Variants in SH3GL2 observed in about 807,000 individuals in gnomAD.
SH3GL2 encodes the protein endophilin-A1.
SH3GL2 carries 24 observed loss-of-function variants against 46.0 expected under a neutral mutation model. The ratio of observed to expected loss-of-function variants is 0.52; its 90% CI spans 0.38 to 0.73. The LOEUF (loss-of-function observed/expected upper bound fraction) is 0.73, where lower values mean the gene tolerates loss of function less well. SH3GL2 is among the 30% of genes least tolerant of loss of function. The pLI, the probability that SH3GL2 is intolerant of heterozygous loss-of-function variation, is 0.00. For missense variants in SH3GL2, 413 were observed against 424.2 expected, an observed-to-expected ratio of 0.97 and a Z score of 0.23; for synonymous variants, 196 against 147.1, an observed-to-expected ratio of 1.33 and a Z score of -2.40.
intron 1 of SH3GL2, chr9:17,653,930 C>CA: frequency 1.3e-6 from 1 of 798,866 alleles, no homozygotes; most frequent in South Asian, 5.7e-5. Context: ...ACATCTGTAA[C>CA]AAAAGAAATG....
chr9:17,609,715 A>G (rs905028235), intron 1 of SH3GL2, among the ~76,000 whole-genome samples: 1 of 152,240 alleles, frequency 6.6e-6, no homozygotes, highest in South Asian at 2.1e-4. Context: ...ATGTGGGAAA[A>G]CATTTGTTCT....
At chr9:17,714,576 T>C (rs1345565317) in intron 1 of SH3GL2, among the ~76,000 whole-genome samples, 1 of 151,784 alleles carries the variant, frequency 6.6e-6, no homozygotes, top group Non-Finnish European at 1.5e-5. Context: ...ATAACATTGA[T>C]CTTTAACATC....
intron 1 of SH3GL2, among the ~76,000 whole-genome samples, chr9:17,708,504 A>G (rs1821533970): frequency 6.6e-6 from 1 of 152,036 alleles, no homozygotes. Context: ...GGATGAAACC[A>G]TTAGAGCTTG....
intron 1 of SH3GL2, among the ~76,000 whole-genome samples, chr9:17,683,919 A>G (rs1461476483): frequency 1.3e-5 from 2 of 152,114 alleles, no homozygotes; most frequent in South Asian, 2.1e-4. Flanking sequence ...ACTCCTGACT[A>G]AATTGAATCA....
At chr9:17,669,508 A>G (rs1285235844) in intron 1 of SH3GL2, among the ~76,000 whole-genome samples, 1 of 152,194 alleles carries the variant, frequency 6.6e-6, no homozygotes, top group African/African-American at 2.4e-5. Flanking sequence ...GGCATTAGAA[A>G]AGCAGAATTA....
chr9:17,624,437 C>T (rs989251969), intron 1 of SH3GL2, among the ~76,000 whole-genome samples: 4 of 152,126 alleles, frequency 2.6e-5, no homozygotes, highest in Admixed American at 2.0e-4. Context: ...GTGATAGGTG[C>T]GCAAACATGA....
At chr9:17,635,301 T>C (rs1335864317) in intron 1 of SH3GL2, among the ~76,000 whole-genome samples, 1 of 152,240 alleles carries the variant, frequency 6.6e-6, no homozygotes, top group Non-Finnish European at 1.5e-5. Context: ...TCCATGTCCC[T>C]GCAAAGGACA....
intron 1 of SH3GL2, among the ~76,000 whole-genome samples, chr9:17,713,600 C>T (rs917714408): frequency 3.3e-5 from 5 of 151,456 alleles, no homozygotes; most frequent in African/African-American, 1.2e-4. Context: ...TCATTCAGCT[C>T]AAAATGCATT....
chr9:17,786,787 T>G (rs1382535189), intron 4 of SH3GL2, among the ~76,000 whole-genome samples: 1 of 151,986 alleles, frequency 6.6e-6, no homozygotes, highest in Admixed American at 6.6e-5. Flanking sequence ...AGATGCCTCC[T>G]TGGCACTTTC....
intron 1 of SH3GL2, among the ~76,000 whole-genome samples, chr9:17,667,574 TATA>T (rs1341181083): frequency 6.6e-6 from 1 of 152,252 alleles, no homozygotes; most frequent in Admixed American, 6.5e-5. Context: ...GTTGGACATT[TATA>T]ATGTTTCCAC....
At chr9:17,712,628 G>A (rs915815803) in intron 1 of SH3GL2, among the ~76,000 whole-genome samples, 2 of 151,760 alleles carry the variant, frequency 1.3e-5, no homozygotes, top group Non-Finnish European at 2.9e-5. Context: ...ACATATCTAA[G>A]TTTGTTTCTA....
intron 3 of SH3GL2, among the ~76,000 whole-genome samples, chr9:17,781,955 G>C (rs974034639): frequency 6.6e-6 from 1 of 152,104 alleles, no homozygotes; most frequent in African/African-American, 2.4e-5. Context: ...TGAGCACTCT[G>C]ACTCTCCACC....
intron 3 of SH3GL2, among the ~76,000 whole-genome samples, chr9:17,778,374 G>A (rs533440525): frequency 3.0e-4 from 45 of 152,246 alleles, no homozygotes; most frequent in African/African-American, 1.1e-3. Flanking sequence ...AATACCTAAT[G>A]TCAGATGTGA....
At position 17,643,319 on chromosome 9, in the gene SH3GL2, T is replaced by A. The variant is rs190678329; in HGVS notation, c.45+64032T>A. Among the ~76,000 whole-genome samples the A allele has an allele frequency of 3.2e-3, 492 of 152,320 alleles. 2 individuals are homozygous for A. Among genetic ancestry groups the A allele is most frequent in the African/African-American group, 0.011 (471 of 41,562 alleles). On this transcript the variant is annotated intron_variant, in intron 1 of 8. Coordinates refer to ENST00000380607, the MANE Select transcript of SH3GL2 (RefSeq NM_003026.5). ...ACGATGGGGTTTTCTAAATATACAA[T>A]CATGTCATCTGCAGACAATAGTTTG...
At position 17,678,837 on chromosome 9, in the gene SH3GL2, G is replaced by T. The variant is rs1588230903; in HGVS notation, c.46-68229G>T. Among the ~76,000 whole-genome samples, 2 of 152,168 alleles carry T rather than the reference G, an allele frequency of 1.3e-5. 1 individual carries two copies. The highest frequency in any genetic ancestry group is 6.8e-3 in the Middle Eastern group (2 of 294). ...GGTGTAAGGAAGGGATCTAGTTTCG[G>T]CTTTCTCCATATGGCTAGCCAGTTT... On this transcript the variant is annotated intron_variant, in intron 1 of 8. Transcript: ENST00000380607.
At chr9:17,670,709 G>T (rs1368804851) in intron 1 of SH3GL2, among the ~76,000 whole-genome samples, 1 of 152,108 alleles carries the variant, frequency 6.6e-6, no homozygotes, top group East Asian at 1.9e-4. Flanking sequence ...GCATTTGCTT[G>T]CACCTTTTCT....
In SH3GL2 at chr9:17,743,756, G is replaced by A. The variant is rs1822600928; in HGVS notation, c.46-3310G>A. The stretch of plus-strand genomic sequence containing the variant: ...TGCTGTGGATGGATGCAAGAAGAGG[G>A]GAAATTAAAATCACTCTATATTTAA... On this transcript the variant is annotated intron_variant, in intron 1 of 8. Coordinates refer to ENST00000380607, the MANE Select transcript of SH3GL2 (RefSeq NM_003026.5). 2.0e-5 allele frequency among the ~76,000 whole-genome samples: 3 copies of A among 152,138 alleles called. No individual in the cohort carries two copies. In the South Asian group the frequency reaches 6.2e-4, roughly 32 times the overall value.
chr9:17,593,842 G>A (rs553707537), intron 1 of SH3GL2, among the ~76,000 whole-genome samples: 1 of 152,280 alleles, frequency 6.6e-6, no homozygotes, highest in Non-Finnish European at 1.5e-5. Flanking sequence ...CACAAGATCA[G>A]TAGGAGCCCA....
chr9:17,777,447 T>C (rs1316127488), intron 3 of SH3GL2, among the ~76,000 whole-genome samples: 1 of 152,220 alleles, frequency 6.6e-6, no homozygotes, highest in Non-Finnish European at 1.5e-5. Flanking sequence ...GGTTGAGTGA[T>C]ATCCCTCCCA....
Sources: gnomAD v4.1 joint callset for allele counts (sites outside exome capture counted in the v4.1 genomes callset) on GRCh38, gnomAD v4.1.1 for gene constraint, MANE v1.5 for transcripts, NCBI Gene and HGNC (gene_info 2026-07-23, HGNC 2026-07-21) for gene names.